DLC1: variants seen among roughly 807,000 people sequenced by gnomAD.
The protein encoded by DLC1 is rho GTPase-activating protein 7.
A neutral mutation model predicts 140.3 loss-of-function variants in DLC1; 54 were observed. The ratio of observed to expected loss-of-function variants is 0.38; its 90% CI spans 0.31 to 0.48. DLC1 has a LOEUF of 0.48. Ranked by LOEUF, DLC1 falls within the 20% of genes least tolerant of loss-of-function variation. The pLI is 0.96. For missense variants in DLC1, 2,536 were observed against 1,907.0 expected, an observed-to-expected ratio of 1.33 and a Z score of -6.14; for synonymous variants, 986 against 728.1, an observed-to-expected ratio of 1.35 and a Z score of -5.70.
At chr8:13,602,204 C>T (rs1290597007) in intron 1 of DLC1, among the ~76,000 whole-genome samples, 1 of 151,546 alleles carries the variant, frequency 6.6e-6, no homozygotes, top group East Asian at 1.9e-4. Context: ...GTGTATAAGA[C>T]AAAAATTTAG....
chr8:13,105,990 A>G (rs141122550), intron 7 of DLC1, among the ~76,000 whole-genome samples: 273 of 152,328 alleles, frequency 1.8e-3, no homozygotes, highest in African/African-American at 6.4e-3. Flanking sequence ...CCATCCGTCC[A>G]GAAGCCTGGG....
At chr8:13,376,511 A>G (rs1835995568) in intron 4 of DLC1, among the ~76,000 whole-genome samples, 1 of 152,130 alleles carries the variant, frequency 6.6e-6, no homozygotes, top group African/African-American at 2.4e-5. Flanking sequence ...CAATCAGGCA[A>G]TTTTAAATAT....
chr8:13,115,510 A>G, intron 6 of DLC1, 76 bp downstream of exon 6: 3 of 1,288,962 alleles, frequency 2.3e-6, no homozygotes, highest in South Asian at 1.4e-5. Flanking sequence ...GCTGAAAATA[A>G]GTCATAGATC....
At chr8:13,592,910 C>G (rs1805566025) in intron 1 of DLC1, among the ~76,000 whole-genome samples, 1 of 152,148 alleles carries the variant, frequency 6.6e-6, no homozygotes, top group Non-Finnish European at 1.5e-5. Context: ...TCCCAGAAAT[C>G]TTACTGAGTC....
Position 13,086,463 on chromosome 8 carries a change from T to C in DLC1, c.4293A>G (p.Arg1431=), listed in dbSNP as rs761388824. ...PHPARDYVVL[R]TWRTNLPKGA... Reference sequence around the variant, plus strand: ...CTTTGGGTAAATTAGTCCTCCAGGTTCTGTAGAGACAAAACCAGAGGCAGA... The same window carrying C: ...CTTTGGGTAAATTAGTCCTCCAGGTCCTGTAGAGACAAAACCAGAGGCAGA... The change falls in exon 17 of 18, where the codon AGA becomes AGG. Residue 1431 remains arginine, a splice_region_variant and synonymous_variant. Transcript: ENST00000276297. 71 of 1,610,300 alleles carry C rather than the reference T, an allele frequency of 4.4e-5. No homozygotes were observed. The highest frequency in any genetic ancestry group is 5.9e-5 in the Non-Finnish European group (69 of 1,178,948).
intron 5 of DLC1, among the ~76,000 whole-genome samples, chr8:13,239,379 C>T (rs1372457042): frequency 6.6e-6 from 1 of 151,804 alleles, no homozygotes; most frequent in African/African-American, 2.4e-5. Flanking sequence ...AGTGAAAAGT[C>T]CAGGATAACT....
At chr8:13,355,466 A>G (rs1834894268) in intron 4 of DLC1, among the ~76,000 whole-genome samples, 1 of 152,214 alleles carries the variant, frequency 6.6e-6, no homozygotes, top group Non-Finnish European at 1.5e-5. Flanking sequence ...TGGAAGTTTC[A>G]GATCAAGGTC....
At chr8:13,290,455 C>A (rs931071644) in intron 5 of DLC1, among the ~76,000 whole-genome samples, 36 of 152,064 alleles carry the variant, frequency 2.4e-4, no homozygotes, top group Admixed American at 1.2e-3. Context: ...AAAGGATATG[C>A]CTTTTTTCTT....
intron 4 of DLC1, among the ~76,000 whole-genome samples, chr8:13,319,589 C>CCAGCCG (rs1586130458): frequency 6.6e-6 from 1 of 151,518 alleles, no homozygotes; most frequent in East Asian, 2.0e-4. Flanking sequence ...TCCTCCAGCG[C>CCAGCCG]CAGCCATGTA....
intron 2 of DLC1, among the ~76,000 whole-genome samples, chr8:13,406,699 C>T (rs909245508): frequency 1.3e-5 from 2 of 152,126 alleles, no homozygotes; most frequent in African/African-American, 4.8e-5. Context: ...ACTCAATTAA[C>T]TGTTGGTGCC....
chr8:13,404,037 A>AT (rs1390484196), intron 2 of DLC1, among the ~76,000 whole-genome samples: 2 of 151,670 alleles, frequency 1.3e-5, no homozygotes, highest in Admixed American at 6.6e-5. Context: ...TCCTAAGGTT[A>AT]TTTTTTCTAG....
chr8:13,431,548 T>A (rs1000452658), intron 2 of DLC1, among the ~76,000 whole-genome samples: 3 of 148,180 alleles, frequency 2.0e-5, no homozygotes, highest in Non-Finnish European at 4.5e-5. Context: ...CACAACTCTG[T>A]CTCTCTTGTC....
chr8:13,318,605 C>G (rs1832953764), intron 4 of DLC1, among the ~76,000 whole-genome samples: 1 of 152,118 alleles, frequency 6.6e-6, no homozygotes, highest in Admixed American at 6.5e-5. Flanking sequence ...AAGTTAGAAA[C>G]TAAAGATATT....
rs11985373 is a variant in DLC1, at chr8:13,109,456, C to T, written c.1502+1286G>A. On this transcript the variant is annotated intron_variant, in intron 7 of 17. Transcript: ENST00000276297. Reference sequence around the variant, plus strand: ...CCTGCAGTCCCAGCTACTCCAGAGGCTGAAGTGGGAGGATCACCTGTAGCT... The same window carrying T: ...CCTGCAGTCCCAGCTACTCCAGAGGTTGAAGTGGGAGGATCACCTGTAGCT... 4.9e-3 allele frequency among the ~76,000 whole-genome samples: 750 copies of T among 152,132 alleles called. 6 individuals carry two copies. Among genetic ancestry groups the T allele is most frequent in the African/African-American group, 0.017 (695 of 41,526 alleles).
chr8:13,399,681 G>A (rs1563315602), intron 3 of DLC1, among the ~76,000 whole-genome samples: 1 of 152,116 alleles, frequency 6.6e-6, no homozygotes, highest in Non-Finnish European at 1.5e-5. Context: ...TCAGGCCATA[G>A]CCAATCTATA....
chr8:13,541,921 T>C (rs1803498578), intron 1 of DLC1, among the ~76,000 whole-genome samples: 2 of 152,130 alleles, frequency 1.3e-5, no homozygotes, highest in Non-Finnish European at 2.9e-5. Flanking sequence ...TCTACTTGGG[T>C]TTTGTGTTTT....
intron 2 of DLC1, among the ~76,000 whole-genome samples, chr8:13,429,693 C>A (rs761076626): frequency 3.9e-5 from 6 of 152,102 alleles, no homozygotes; most frequent in African/African-American, 7.2e-5. Flanking sequence ...TTGGCAGCAA[C>A]CTTGCATTTC....
At chr8:13,243,441 A>G (rs1327065000) in intron 5 of DLC1, among the ~76,000 whole-genome samples, 1 of 152,072 alleles carries the variant, frequency 6.6e-6, no homozygotes. Flanking sequence ...ACAGCCTGTG[A>G]AACTGAGTCA....
chr8:13,175,952 A>G (rs1585843926), intron 5 of DLC1, among the ~76,000 whole-genome samples: 3 of 152,112 alleles, frequency 2.0e-5, no homozygotes, highest in South Asian at 4.1e-4. Flanking sequence ...AGAATGTTAT[A>G]TAAACAGAGT....
Sources: gnomAD v4.1 joint callset for allele counts (sites outside exome capture counted in the v4.1 genomes callset) on GRCh38, gnomAD v4.1.1 for gene constraint, MANE v1.5 for transcripts, NCBI Gene and HGNC (gene_info 2026-07-23, HGNC 2026-07-21) for gene names.